The following ITSN1 variants were observed in gnomAD, a reference collection of about 807,000 sequenced individuals.
ITSN1 encodes the protein intersectin 1.
In ITSN1, 58 loss-of-function variants were observed where a neutral mutation model predicts 239.8. The ratio of observed to expected loss-of-function variants is 0.24; its 90% confidence interval spans 0.20 to 0.30. ITSN1 has a LOEUF of 0.30. Among genes scored for constraint, ITSN1 ranks in the 10% least tolerant of loss-of-function variants. The probability of loss-of-function intolerance (pLI) is 1.00; values close to 1 mark genes in which losing one functional copy is unlikely to be tolerated. For missense variants in ITSN1, 1,558 were observed against 2,103.3 expected (o/e 0.74, Z 5.07); for synonymous variants, 780 against 770.8 (o/e 1.01, Z -0.20).
chr21:33,644,827 C>CTTTT (rs11380708), intron 1 of ITSN1, among the ~76,000 whole-genome samples: 1 of 147,598 alleles, frequency 6.8e-6, no homozygotes. Context: ...AATTCCTTTC[C>CTTTT]TTTTTTTTTT....
chr21:33,700,491 T>C (rs2091961314), intron 1 of ITSN1, among the ~76,000 whole-genome samples: 1 of 152,186 alleles, frequency 6.6e-6, no homozygotes, highest in Non-Finnish European at 1.5e-5. Context: ...GGGAGACAGA[T>C]GTAGTTGTTC....
At chr21:33,877,101 T>A (rs1456283782) in intron 34 of ITSN1, among the ~76,000 whole-genome samples, 1 of 138,220 alleles carries the variant, frequency 7.2e-6, no homozygotes, top group Non-Finnish European at 1.5e-5. Context: ...TCACCCAGGG[T>A]GGAGTGCAGT....
intron 24 of ITSN1, among the ~76,000 whole-genome samples, chr21:33,820,855 G>T (rs761058892): frequency 6.8e-6 from 1 of 147,014 alleles, no homozygotes; most frequent in East Asian, 2.2e-4. Flanking sequence ...CTCACCAAAA[G>T]ATAAAGAAAA....
rs890553259 is a variant in ITSN1 at position 33,790,329 on chromosome 21, T to C, written c.1825-4012T>C. On this transcript the variant is annotated intron_variant, in intron 16 of 39. Coordinates refer to ENST00000381318, the MANE Select transcript of ITSN1 (RefSeq NM_003024.3). ...AGTATATATACTACACATTTTATAG[T>C]TTTATTTTTTCTGCATAAGTATTTG... Among the ~76,000 whole-genome samples the C allele has an allele frequency of 3.7e-5, 4 of 107,198 alleles. No individual in the cohort carries two copies. In the East Asian group the frequency reaches 8.6e-4, roughly 23 times the overall value. 70.3% of individuals were successfully genotyped at this position (107,198 alleles called of 152,430 possible).
chr21:33,872,784 G>A (rs535713875), intron 33 of ITSN1, among the ~76,000 whole-genome samples: 1 of 152,128 alleles, frequency 6.6e-6, no homozygotes, highest in African/African-American at 2.4e-5. Context: ...ATCCTGCTTC[G>A]GCCTCCCAAA....
At chr21:33,819,819 A>G (rs2073542066) in intron 24 of ITSN1, among the ~76,000 whole-genome samples, 1 of 151,510 alleles carries the variant, frequency 6.6e-6, no homozygotes. Context: ...CGTCTCTACT[A>G]AAAATACAAA....
At chr21:33,787,614 T>C (rs1475250164) in intron 16 of ITSN1, among the ~76,000 whole-genome samples, 1 of 151,934 alleles carries the variant, frequency 6.6e-6, no homozygotes, top group South Asian at 2.1e-4. Flanking sequence ...ATGAAGGCAG[T>C]GAAAGGCAAA....
At chr21:33,819,378 T>A in intron 24 of ITSN1, 55 bp downstream of exon 24, 1 of 1,269,404 alleles carries the variant, frequency 7.9e-7, no homozygotes, top group Non-Finnish European at 1.1e-6. Flanking sequence ...ATTGTGTAAA[T>A]GTTTGAAATG....
At chr21:33,834,456 G>GGTC (rs1454173763) in intron 28 of ITSN1, 32 bp downstream of exon 28, 1 of 1,402,796 alleles carries the variant, frequency 7.1e-7, no homozygotes, top group Non-Finnish European at 1.0e-6. Flanking sequence ...ACTGGAAGAT[G>GGTC]GTCTGCATGC....
chr21:33,737,529 CCA>C (rs1339064699), intron 5 of ITSN1, among the ~76,000 whole-genome samples: 1 of 152,048 alleles, frequency 6.6e-6, no homozygotes, highest in Admixed American at 6.6e-5. Context: ...GTTTGTTGAG[CCA>C]CTTGAGAATA....
intron 35 of ITSN1, 49 bp from the exon 36 acceptor site, chr21:33,883,501 C>A: frequency 6.2e-7 from 1 of 1,604,666 alleles, no homozygotes; most frequent in South Asian, 1.1e-5. Context: ...TTTACCGGAG[C>A]ACACAGACCC....
intron 14 of ITSN1, among the ~76,000 whole-genome samples, chr21:33,776,168 A>C (rs1251759199): frequency 6.6e-6 from 1 of 152,162 alleles, no homozygotes; most frequent in Admixed American, 6.5e-5. Context: ...GCATTTATGT[A>C]CAAGTCTTTA....
chr21:33,773,008 T>A (rs1344322162), intron 12 of ITSN1, among the ~76,000 whole-genome samples: 1 of 150,906 alleles, frequency 6.6e-6, no homozygotes, highest in Admixed American at 6.6e-5. Flanking sequence ...TTCTTTTTTT[T>A]TTTTTTTTTT....
At chr21:33,712,164 T>A (rs1017663647) in intron 1 of ITSN1, among the ~76,000 whole-genome samples, 1 of 152,212 alleles carries the variant, frequency 6.6e-6, no homozygotes, top group Non-Finnish European at 1.5e-5. Context: ...TTCATTGTCT[T>A]GGAGTTGGCA....
chr21:33,706,054 T>G (rs1937883586), intron 1 of ITSN1, among the ~76,000 whole-genome samples: 1 of 152,222 alleles, frequency 6.6e-6, no homozygotes, highest in African/African-American at 2.4e-5. Context: ...ATATACTTAT[T>G]GTCACCCAGG....
intron 29 of ITSN1, among the ~76,000 whole-genome samples, chr21:33,848,184 A>G (rs772784667): frequency 3.3e-5 from 5 of 152,238 alleles, no homozygotes; most frequent in Middle Eastern, 3.2e-3. Flanking sequence ...GGACATCAGA[A>G]TATGACTTCG....
chr21:33,855,949 A>G (rs1400053024), intron 29 of ITSN1, among the ~76,000 whole-genome samples: 1 of 152,118 alleles, frequency 6.6e-6, no homozygotes, highest in Non-Finnish European at 1.5e-5. Context: ...CCACAAACCA[A>G]CCTCGACATG....
intron 1 of ITSN1, among the ~76,000 whole-genome samples, chr21:33,700,951 C>CTGTGTG (rs72389168): frequency 0.088 from 12,435 of 141,700 alleles, 697 homozygotes; most frequent in African/African-American, 0.13. Context: ...TTTCTTTTTT[C>CTGTGTG]TGTGTGTGTG....
intron 1 of ITSN1, among the ~76,000 whole-genome samples, chr21:33,710,172 G>A (rs1463734715): frequency 3.3e-5 from 5 of 149,758 alleles, no homozygotes; most frequent in South Asian, 2.1e-4. Flanking sequence ...TCTGCCTCCC[G>A]GGTTCACGCC....
Sources: gnomAD v4.1 joint callset for allele counts (sites outside exome capture counted in the v4.1 genomes callset) on GRCh38, gnomAD v4.1.1 for gene constraint, MANE v1.5 for transcripts, NCBI Gene and HGNC (gene_info 2026-07-23, HGNC 2026-07-21) for gene names.